Variants in OXR1 observed in about 807,000 individuals in gnomAD.
OXR1 encodes the protein oxidation resistance protein 1.
A neutral mutation model predicts 104.6 loss-of-function variants in OXR1; 41 were observed. The observed-to-expected ratio is 0.39, with a 90% CI of 0.31 to 0.51. The LOEUF (loss-of-function observed/expected upper bound fraction) is 0.51, where lower values mean the gene tolerates loss of function less well. Ranked by LOEUF, OXR1 falls within the 20% of genes least tolerant of loss-of-function variation. OXR1 has a pLI of 0.77. For missense variants in OXR1, 955 were observed against 1,031.9 expected, an observed-to-expected ratio of 0.93 and a Z score of 1.02; for synonymous variants, 348 against 348.4, an observed-to-expected ratio of 1.00 and a Z score of 0.01.
At chr8:106,679,320 T>G (rs1165177376) in intron 4 of OXR1, 28 bp downstream of exon 4, 2 of 1,273,426 alleles carry the variant, frequency 1.6e-6, no homozygotes, top group Non-Finnish European at 2.2e-6. Flanking sequence ...GAAAAAGCTA[T>G]TTTTCTTTGT....
intron 1 of OXR1, among the ~76,000 whole-genome samples, chr8:106,318,072 G>A (rs1427510720): frequency 6.6e-6 from 1 of 151,922 alleles, no homozygotes; most frequent in Non-Finnish European, 1.5e-5. Flanking sequence ...ATAAGTTTTA[G>A]ATATACTGGG....
chr8:106,624,591 G>A (rs951728371), intron 3 of OXR1, among the ~76,000 whole-genome samples: 1 of 152,128 alleles, frequency 6.6e-6, no homozygotes, highest in African/African-American at 2.4e-5. Context: ...TGAGGGCTGG[G>A]TATACACTCA....
intron 11 of OXR1, among the ~76,000 whole-genome samples, chr8:106,734,856 G>A (rs1474120743): frequency 2.0e-5 from 3 of 152,176 alleles, no homozygotes; most frequent in Non-Finnish European, 4.4e-5. Context: ...CCTATAGATA[G>A]GAGTTAGCAG....
At chr8:106,397,582 A>G (rs769191614) in intron 2 of OXR1, among the ~76,000 whole-genome samples, 5 of 152,036 alleles carry the variant, frequency 3.3e-5, no homozygotes, top group Non-Finnish European at 7.4e-5. Context: ...AATTTTGATG[A>G]AATAAATAAA....
intron 2 of OXR1, among the ~76,000 whole-genome samples, chr8:106,368,812 T>A (rs1295376232): frequency 6.6e-6 from 1 of 152,190 alleles, no homozygotes; most frequent in Non-Finnish European, 1.5e-5. Context: ...TGATCGGCAT[T>A]TGGGTTGGTT....
At chr8:106,549,244 ATTTT>A (rs11420902) in intron 3 of OXR1, among the ~76,000 whole-genome samples, 1 of 144,082 alleles carries the variant, frequency 6.9e-6, no homozygotes, top group Non-Finnish European at 1.5e-5. Context: ...CATATCAAAC[ATTTT>A]TTTTTTTTTT....
chr8:106,549,495 G>A (rs1037341253), intron 3 of OXR1, among the ~76,000 whole-genome samples: 7 of 152,230 alleles, frequency 4.6e-5, no homozygotes, highest in African/African-American at 1.7e-4. Flanking sequence ...AGGACACAAA[G>A]GGTTTTTTCT....
At chr8:106,495,416 A>G (rs1042875175) in intron 2 of OXR1, among the ~76,000 whole-genome samples, 1 of 151,762 alleles carries the variant, frequency 6.6e-6, no homozygotes. Flanking sequence ...GATGGAATGT[A>G]GTGGGATAAT....
intron 16 of OXR1, 109 bp from the exon 17 acceptor site, chr8:106,750,697 G>C: frequency 5.3e-6 from 4 of 760,774 alleles, no homozygotes; most frequent in Non-Finnish European, 8.3e-6. Context: ...AGTAGGGAAG[G>C]ATTTGAGAAA....
chr8:106,661,294 G>T (rs1211437438), intron 3 of OXR1, among the ~76,000 whole-genome samples: 2 of 152,138 alleles, frequency 1.3e-5, no homozygotes, highest in Admixed American at 1.3e-4. Context: ...CCTCTCCAAG[G>T]TGGCTGCTTT....
At chr8:106,690,086 G>A (rs1829128507) in intron 6 of OXR1, among the ~76,000 whole-genome samples, 1 of 150,224 alleles carries the variant, frequency 6.7e-6, no homozygotes, top group African/African-American at 2.4e-5. Flanking sequence ...TATAAAACAT[G>A]TTTTATCTCT....
At chr8:106,488,046 A>G (rs1440416011) in intron 2 of OXR1, among the ~76,000 whole-genome samples, 1 of 146,902 alleles carries the variant, frequency 6.8e-6, no homozygotes, top group African/African-American at 2.6e-5. Context: ...CCAACAGTGT[A>G]AAAGTTTTCC....
chr8:106,431,743 T>C (rs1342078266), intron 2 of OXR1, among the ~76,000 whole-genome samples: 1 of 152,226 alleles, frequency 6.6e-6, no homozygotes, highest in Non-Finnish European at 1.5e-5. Context: ...AATGAATTAA[T>C]GAAAGATGAT....
intron 2 of OXR1, among the ~76,000 whole-genome samples, chr8:106,443,157 T>C (rs1261447133): frequency 6.6e-6 from 1 of 152,192 alleles, no homozygotes; most frequent in East Asian, 1.9e-4. Context: ...AATTTCGTTA[T>C]TTACTTAGGA....
Position 106,706,738 on chromosome 8 carries a change from G to A in OXR1, c.1217G>A (p.Gly406Glu). ...SDTEHSTNEVGTLCHKTDLNN... is the reference protein window; with the variant it reads ...SDTEHSTNEVETLCHKTDLNN... ...ACTGAACATTCTACAAATGAAGTTG[G>A]GACTTTATGTCATAAAACTGATTTA... Residue 406 changes from glycine to glutamate, a missense_variant, in exon 9 of 17, where the codon GGG (glycine) becomes GAG (glutamate). By Grantham distance (98) the Gly-to-Glu change is moderately conservative. Transcript: ENST00000517566. The A allele has an allele frequency of 1.2e-6, 2 of 1,611,616 alleles. No individual in the cohort carries two copies. Among genetic ancestry groups the A allele is most frequent in the Non-Finnish European group, 1.7e-6 (2 of 1,179,392 alleles).
chr8:106,431,036 T>C (rs1819339558), intron 2 of OXR1, among the ~76,000 whole-genome samples: 1 of 152,186 alleles, frequency 6.6e-6, no homozygotes, highest in Non-Finnish European at 1.5e-5. Flanking sequence ...TTTCAGTTTC[T>C]ACACACAACC....
At chr8:106,701,539 T>C (rs1830582667) in intron 7 of OXR1, among the ~76,000 whole-genome samples, 1 of 152,208 alleles carries the variant, frequency 6.6e-6, no homozygotes, top group Non-Finnish European at 1.5e-5. Flanking sequence ...TAAGAAGCTA[T>C]TTAGTTTATT....
chr8:106,475,446 G>A (rs1821749392), intron 2 of OXR1, among the ~76,000 whole-genome samples: 1 of 151,890 alleles, frequency 6.6e-6, no homozygotes, highest in Admixed American at 6.6e-5. Context: ...TGGTTTTACT[G>A]TCTCATGCGT....
chr8:106,408,578 C>T (rs1818337479), intron 2 of OXR1, among the ~76,000 whole-genome samples: 1 of 152,220 alleles, frequency 6.6e-6, no homozygotes, highest in East Asian at 1.9e-4. Context: ...ACTAATATCT[C>T]ACTGGTGGCA....
Sources: gnomAD v4.1 joint callset for allele counts (sites outside exome capture counted in the v4.1 genomes callset) on GRCh38, gnomAD v4.1.1 for gene constraint, MANE v1.5 for transcripts, NCBI Gene and HGNC (gene_info 2026-07-23, HGNC 2026-07-21) for gene names.